FOXO3: variants seen among roughly 807,000 people sequenced by gnomAD.
FOXO3 encodes the protein forkhead box protein O3.
A neutral mutation model predicts 41.9 loss-of-function variants in FOXO3; 4 were observed. The ratio of observed to expected loss-of-function variants is 0.10; its 90% CI spans 0.05 to 0.22. The LOEUF (loss-of-function observed/expected upper bound fraction) is 0.22, where lower values mean the gene tolerates loss of function less well. Ranked by LOEUF, FOXO3 falls within the 10% of genes least tolerant of loss-of-function variation. The pLI is 1.00. For synonymous variants in FOXO3, 318 were observed against 389.3 expected (o/e 0.82, Z 2.16); for missense variants, 534 against 906.8 (o/e 0.59, Z 5.28).
chr6:108,672,473 G>C (rs1467351023), intron 2 of FOXO3, among the ~76,000 whole-genome samples: 1 of 152,194 alleles, frequency 6.6e-6, no homozygotes, highest in Non-Finnish European at 1.5e-5. Flanking sequence ...CTGGACACTG[G>C]GATGCAGGTC....
Position 108,561,197 on chromosome 6 carries a change from CG to C in FOXO3, c.-9del. 6.5e-7 allele frequency: 1 copy of C among 1,530,340 alleles called. No homozygotes were observed. 94.8% of individuals were successfully genotyped at this position (1,530,340 alleles called of 1,614,324 possible). A position where few individuals can be genotyped will look rare whatever the true frequency, so the allele number is the denominator to read the frequency against. ...CGCGAGAGCCCCAGCCGCGGGCGGG[CG>C]GGCGGCGAAGATGGCAGAGGCACCG... On this transcript the variant is annotated 5_prime_UTR_variant, in exon 1 of 3. Transcript: ENST00000406360.
intron 1 of FOXO3, among the ~76,000 whole-genome samples, chr6:108,644,068 A>AG (rs950810881): frequency 6.6e-6 from 1 of 152,178 alleles, no homozygotes; most frequent in African/African-American, 2.4e-5. Context: ...ATGTGGCTTG[A>AG]GGGTCAGGAC....
intron 1 of FOXO3, among the ~76,000 whole-genome samples, chr6:108,595,176 G>A (rs17532573): frequency 0.037 from 5,652 of 152,224 alleles, 147 homozygotes; most frequent in Middle Eastern, 0.095. Context: ...ACAGGTTGTC[G>A]AGGCCTAAAA....
intron 2 of FOXO3, among the ~76,000 whole-genome samples, chr6:108,677,222 T>C (rs1770636504): frequency 6.6e-6 from 1 of 152,220 alleles, no homozygotes; most frequent in Non-Finnish European, 1.5e-5. Context: ...GGGAAAGTGG[T>C]GATTCACACA....
intron 1 of FOXO3, among the ~76,000 whole-genome samples, chr6:108,648,270 A>T (rs1047026339): frequency 1.3e-5 from 2 of 152,230 alleles, no homozygotes; most frequent in Non-Finnish European, 2.9e-5. Context: ...AGGAATGGAC[A>T]TAAGGTGTCT....
At chr6:108,660,236 G>T (rs1329446762) in intron 1 of FOXO3, among the ~76,000 whole-genome samples, 1 of 152,158 alleles carries the variant, frequency 6.6e-6, no homozygotes, top group Non-Finnish European at 1.5e-5. Context: ...ACACTGCAGA[G>T]TACATGTTGA....
At chr6:108,596,125 G>T (rs2128364748) in intron 1 of FOXO3, among the ~76,000 whole-genome samples, 1 of 152,038 alleles carries the variant, frequency 6.6e-6, no homozygotes, top group East Asian at 1.9e-4. Context: ...TACCATGAAG[G>T]TCAAATGCTT....
chr6:108,666,933 C>CT (rs1185945776), intron 2 of FOXO3, among the ~76,000 whole-genome samples: 1 of 152,186 alleles, frequency 6.6e-6, no homozygotes, highest in Non-Finnish European at 1.5e-5. Context: ...TTACAGGCTT[C>CT]TTTAAGTGGT....
At chr6:108,637,091 A>G (rs1485561157) in intron 1 of FOXO3, among the ~76,000 whole-genome samples, 4 of 152,190 alleles carry the variant, frequency 2.6e-5, no homozygotes, top group East Asian at 1.9e-4. Context: ...TTACAACTTT[A>G]TATCTTCCCT....
chr6:108,578,261 G>A (rs1261739821), intron 1 of FOXO3, among the ~76,000 whole-genome samples: 2 of 152,164 alleles, frequency 1.3e-5, no homozygotes, highest in Admixed American at 6.5e-5. Context: ...AGCCCTCCAG[G>A]TGATTCTACT....
intron 1 of FOXO3, among the ~76,000 whole-genome samples, chr6:108,572,583 A>G (rs1776132795): frequency 6.6e-6 from 1 of 152,230 alleles, no homozygotes; most frequent in Non-Finnish European, 1.5e-5. Flanking sequence ...ATGTTCAGAC[A>G]TTTAAGAATC....
intron 1 of FOXO3, among the ~76,000 whole-genome samples, chr6:108,647,676 A>G (rs959140826): frequency 1.3e-5 from 2 of 152,194 alleles, no homozygotes; most frequent in Non-Finnish European, 2.9e-5. Flanking sequence ...CGTGAACACC[A>G]TAGTGAATAT....
chr6:108,631,332 G>A (rs1777966645), intron 1 of FOXO3, among the ~76,000 whole-genome samples: 2 of 152,162 alleles, frequency 1.3e-5, no homozygotes, highest in African/African-American at 4.8e-5. Flanking sequence ...TCTGTGTTCT[G>A]GATGATTTAG....
At chr6:108,613,623 CT>C (rs1364436825) in intron 1 of FOXO3, among the ~76,000 whole-genome samples, 2 of 152,264 alleles carry the variant, frequency 1.3e-5, no homozygotes, top group East Asian at 1.9e-4. Context: ...CCCTTTCCCC[CT>C]CATTCCTTAT....
intron 1 of FOXO3, among the ~76,000 whole-genome samples, chr6:108,654,318 T>G (rs933875467): frequency 6.6e-5 from 10 of 152,000 alleles, no homozygotes; most frequent in African/African-American, 2.4e-4. Flanking sequence ...TAATAATAAT[T>G]AATATGAAAA....
At chr6:108,665,308 T>G (rs1319109980) in intron 2 of FOXO3, among the ~76,000 whole-genome samples, 1 of 152,198 alleles carries the variant, frequency 6.6e-6, no homozygotes, top group African/African-American at 2.4e-5. Flanking sequence ...CTAGAAAGAC[T>G]CTCTGGTCCG....
chr6:108,637,423 G>A (rs1351073089), intron 1 of FOXO3, among the ~76,000 whole-genome samples: 3 of 152,084 alleles, frequency 2.0e-5, no homozygotes, highest in Non-Finnish European at 4.4e-5. Context: ...AATCCAGCCC[G>A]TGGTTCTCCC....
chr6:108,671,531 T>C (rs1436399776), intron 2 of FOXO3, among the ~76,000 whole-genome samples: 3 of 152,248 alleles, frequency 2.0e-5, no homozygotes, highest in Non-Finnish European at 4.4e-5. Flanking sequence ...TGCTTATTTA[T>C]AAAATGAGGT....
rs557616622 is a variant in FOXO3 at position 108,650,344 on chromosome 6, C to G, written c.622-13111C>G. Among the ~76,000 whole-genome samples the G allele has an allele frequency of 1.3e-3, 191 of 152,310 alleles. 1 individual carries two copies. The highest frequency in any genetic ancestry group is 4.5e-3 in the African/African-American group (186 of 41,580). Reference sequence around the variant, plus strand: ...CTCTTCTGTCTCCTCCAGCCACAAGCAGGGTCTAAAAGAACTGTTTCCTAC... The same window carrying G: ...CTCTTCTGTCTCCTCCAGCCACAAGGAGGGTCTAAAAGAACTGTTTCCTAC... On this transcript the variant is annotated intron_variant, in intron 1 of 2. Coordinates refer to ENST00000406360, the MANE Select transcript of FOXO3 (RefSeq NM_001455.4).
Sources: gnomAD v4.1 joint callset for allele counts (sites outside exome capture counted in the v4.1 genomes callset) on GRCh38, gnomAD v4.1.1 for gene constraint, MANE v1.5 for transcripts, NCBI Gene and HGNC (gene_info 2026-07-23, HGNC 2026-07-21) for gene names.